Variants in CRELD2 observed in about 807,000 individuals in gnomAD.
CRELD2 encodes the protein protein disulfide isomerase CRELD2.
A neutral mutation model predicts 48.1 loss-of-function variants in CRELD2; 33 were observed. The ratio of observed to expected loss-of-function variants is 0.69; its 90% CI spans 0.52 to 0.92. The LOEUF is 0.92. Among genes scored for constraint, CRELD2 ranks in the 40% least tolerant of loss-of-function variants. The pLI is 0.00. For missense variants in CRELD2, 477 were observed against 482.4 expected, an observed-to-expected ratio of 0.99 and a Z score of 0.10; for synonymous variants, 220 against 203.9, an observed-to-expected ratio of 1.08 and a Z score of -0.67.
At chr22:49,925,772 A>G in intron 9 of CRELD2, 1 of 1,390,288 alleles carries the variant, frequency 7.2e-7, no homozygotes, top group East Asian at 2.7e-5. Context: ...TCACAGCTCA[A>G]ACGGAAGTTC....
At chr22:49,922,776 A>T (rs1409903023) in intron 6 of CRELD2, 69 bp downstream of exon 6, 4 of 89,192 alleles carry the variant, frequency 4.5e-5, no homozygotes, top group Non-Finnish European at 8.1e-5. Context: ...TGGGGGCGTA[A>T]GGCGTGGGGG....
Position 49,923,181 on chromosome 22 carries a change from G to A in CRELD2, c.689-53G>A, listed in dbSNP as rs573235877. On this transcript the variant is annotated intron_variant, in intron 6 of 9. Coordinates refer to ENST00000328268, the MANE Select transcript of CRELD2 (RefSeq NM_024324.5). ...GTCAGGCCATGATCGGTCCTTCCCC[G>A]CTCCCTGGCCGGGCTGTCCTGGGCC... The A allele has an allele frequency of 5.9e-5, 84 of 1,422,688 alleles. No homozygotes were observed. In the East Asian group the frequency reaches 1.5e-3, roughly 25 times the overall value. 88.1% of individuals were successfully genotyped at this position (1,422,688 alleles called of 1,614,324 possible). A position where few individuals can be genotyped will look rare whatever the true frequency, so the allele number is the denominator to read the frequency against.
intron 2 of CRELD2, 111 bp from the exon 3 acceptor site, chr22:49,919,619 G>C: frequency 1.3e-6 from 1 of 750,108 alleles, no homozygotes; most frequent in Non-Finnish European, 2.2e-6. Flanking sequence ...TATTCTCTGT[G>C]CCCGGAGTCC....
At chr22:49,924,576 TCC>T in intron 8 of CRELD2, 121 bp downstream of exon 8, 1 of 647,200 alleles carries the variant, frequency 1.5e-6, no homozygotes, top group Non-Finnish European at 2.7e-6. Context: ...CAGACGTGGC[TCC>T]CCCAGGGTCA....
rs111385776 is a variant in CRELD2 at position 49,920,198 on chromosome 22, G to A, written c.366G>A (p.Lys122=). 1,778 of 1,613,486 alleles carry A rather than the reference G, an allele frequency of 1.1e-3. 22 individuals are homozygous for A. The African/African-American group carries it at 0.022, about 20-fold the overall frequency. Residue 122 remains lysine (K), a synonymous_variant, in exon 4 of 10, where the codon AAG becomes AAA. Coordinates refer to ENST00000328268, the MANE Select transcript of CRELD2 (RefSeq NM_024324.5). ...YPDLFEWFCV[K]TLKVCCSPGT... ...ACTTATTCGAGTGGTTTTGTGTGAA[G>A]ACACTGAAAGTGTGCTGCTCTCCAG...
rs7410274 is a variant in CRELD2, at chr22:49,922,280, C to G, written c.593-332C>G. ...ATAGTCAGGACCGGCCTCTCCGATT[C>G]TTACGCCCCTCAGCAGTCAGGACCG... On this transcript the variant is annotated intron_variant, in intron 5 of 9. Transcript: ENST00000328268. 146,161 of 1,395,932 alleles carry G rather than the reference C, an allele frequency of 0.1. 9,691 individuals are homozygous for G. Among genetic ancestry groups the G allele is most frequent in the South Asian group, 0.29 (22,213 of 75,326 alleles). The allele number at this position is 1,395,932 out of a possible 1,614,324, so 86.5% of individuals were successfully genotyped here.
chr22:49,921,547 C>G, intron 4 of CRELD2, 38 bp from the exon 5 acceptor site: 2 of 1,595,202 alleles, frequency 1.3e-6, no homozygotes, highest in Non-Finnish European at 8.6e-7. Context: ...CCGGTCACCA[C>G]CAGGTGTGCT....
rs535664407 is a variant in CRELD2 at position 49,918,702 on chromosome 22, G to A, written c.-68G>A. The A allele has an allele frequency of 1.5e-5, 9 of 585,472 alleles. No homozygotes were observed. Among genetic ancestry groups the A allele is most frequent in the African/African-American group, 5.8e-5 (3 of 51,572 alleles). The allele number at this position is 585,472 out of a possible 1,614,324, so 36.3% of individuals were successfully genotyped here. A position where few individuals can be genotyped will look rare whatever the true frequency, so the allele number is the denominator to read the frequency against. ...CGCGGCTGGGAGCGGGTGGGCGGCC[G>A]GGAGGCCGGAGCAGCACGGCCGCAG... On this transcript the variant is annotated 5_prime_UTR_variant, in exon 1 of 10. Coordinates refer to ENST00000328268, the MANE Select transcript of CRELD2 (RefSeq NM_024324.5).
chr22:49,923,092 T>C, intron 6 of CRELD2, 142 bp from the exon 7 acceptor site: 2 of 640,248 alleles, frequency 3.1e-6, no homozygotes, highest in South Asian at 2.0e-5. Flanking sequence ...GCATTTGAGA[T>C]GATTCCTCCT....
intron 9 of CRELD2, 21 bp from the exon 10 acceptor site, chr22:49,927,233 AC>A: frequency 6.2e-7 from 1 of 1,610,640 alleles, no homozygotes; most frequent in Non-Finnish European, 8.5e-7. Flanking sequence ...AGCCTTGACG[AC>A]CTATGCTTGT....
At chr22:49,920,306 A>C in intron 4 of CRELD2, 59 bp downstream of exon 4, 1 of 1,245,340 alleles carries the variant, frequency 8.0e-7, no homozygotes, top group Non-Finnish European at 1.2e-6. Flanking sequence ...TCTTCTCATG[A>C]TTCTTGGGAG....
At chr22:49,922,391 G>T in intron 5 of CRELD2, 2 of 1,609,652 alleles carry the variant, frequency 1.2e-6, no homozygotes, top group Non-Finnish European at 1.7e-6. Context: ...GCCGGAACAC[G>T]CACACCCAGC....
chr22:49,924,456 G>A lies in CRELD2; in HGVS notation c.868+1G>A. 2.5e-6 allele frequency: 4 copies of A among 1,599,012 alleles called. No homozygotes were observed. Among genetic ancestry groups the A allele is most frequent in the Non-Finnish European group, 3.4e-6 (4 of 1,171,578 alleles). On this transcript the variant is annotated splice_donor_variant, in intron 8 of 9. Coordinates refer to ENST00000328268, the MANE Select transcript of CRELD2 (RefSeq NM_024324.5). LOFTEE classifies it high-confidence loss of function. ...GCGAGGGAGCACGGACAGTGTGCAGGTCAGTGACGGGGTCTGTGCTGGACG... is the reference window on the plus strand; with the variant it reads ...GCGAGGGAGCACGGACAGTGTGCAGATCAGTGACGGGGTCTGTGCTGGACG...
In CRELD2 at chr22:49,919,776, G is replaced by T. The variant is rs1269021113; in HGVS notation, c.259G>T (p.Asp87Tyr). Residue 87 changes from aspartate (D) to tyrosine (Y), a missense_variant, in exon 3 of 10, where the codon GAC becomes TAC. Physicochemically the swap from Asp to Tyr is radical, Grantham distance 160. Transcript: ENST00000328268. ...EILEGLCESS[D>Y]FECNQMLEAQ... is the part of the protein sequence containing the mutation. ...CCTGGAGGGGCTGTGCGAGAGCAGC[G>T]ACTTCGAATGCAATCAGATGCTAGA... 6.2e-7 allele frequency: 1 copy of T among 1,612,792 alleles called. No individual in the cohort carries two copies. Among genetic ancestry groups the T allele is most frequent in the Non-Finnish European group, 8.5e-7 (1 of 1,179,572 alleles).
chr22:49,919,259 T>A lies in CRELD2; in HGVS notation c.159T>A (p.Phe53Leu). 3 of 1,613,728 alleles carry A rather than the reference T, an allele frequency of 1.9e-6. No homozygotes were observed. The highest frequency in any genetic ancestry group is 2.5e-6 in the Non-Finnish European group (3 of 1,180,010). The change falls in exon 2 of 10, where the codon TTT (phenylalanine) becomes TTA (leucine). Residue 53 changes from phenylalanine (F) to leucine (L), a missense_variant. By Grantham distance (22) the Phe-to-Leu change is conservative (BLOSUM62 0). Coordinates refer to ENST00000328268, the MANE Select transcript of CRELD2 (RefSeq NM_024324.5). ...QGMVDTAKKN[F>L]GGGNTAWEEK... ...TGGTGGACACCGCAAAGAAGAACTTTGGCGGCGGGAACACGGCTTGGGAGG... is the reference window on the plus strand; with the variant it reads ...TGGTGGACACCGCAAAGAAGAACTTAGGCGGCGGGAACACGGCTTGGGAGG...
intron 4 of CRELD2, 71 bp downstream of exon 4, chr22:49,920,318 T>C: frequency 8.7e-7 from 1 of 1,153,058 alleles, no homozygotes; most frequent in South Asian, 1.3e-5. Flanking sequence ...TCTTGGGAGG[T>C]AAAAGCACAG....
rs1282598804 is a variant in CRELD2, at chr22:49,924,237, C to A, written c.773-123C>A. On this transcript the variant is annotated intron_variant, in intron 7 of 9. Transcript: ENST00000328268. ...AGACAGAGACAGATCGTTATAAAGT[C>A]ACTTGGTGATGAATGAGGAGAAAAC... is the stretch of plus-strand genomic sequence containing the variant. 6 of 634,572 alleles carry A rather than the reference C, an allele frequency of 9.5e-6. No individual in the cohort carries two copies. In the Admixed American group the frequency reaches 1.2e-4, roughly 13 times the overall value. The allele number at this position is 634,572 out of a possible 1,614,324, so 39.3% of individuals were successfully genotyped here.
intron 1 of CRELD2, 63 bp downstream of exon 1, chr22:49,918,961 G>T: frequency 7.7e-7 from 1 of 1,301,740 alleles, no homozygotes; most frequent in Non-Finnish European, 1.0e-6. Context: ...CCTGCATCCG[G>T]GGTCGCCCCA....
intron 7 of CRELD2, chr22:49,923,934 G>A: frequency 4.3e-6 from 1 of 232,036 alleles, no homozygotes; most frequent in Non-Finnish European, 8.6e-6. Flanking sequence ...TCTGCCCCGT[G>A]TGTGTGACAG....
Sources: allele counts gnomAD v4.1 joint callset, GRCh38; gene constraint gnomAD v4.1.1; transcripts MANE v1.5; gene names NCBI Gene and HGNC (gene_info 2026-07-23, HGNC 2026-07-21).